Variants in TLE1 observed in about 807,000 individuals in gnomAD.
The protein encoded by TLE1 is TLE family member 1, transcriptional corepressor.
Under a neutral mutation model 89.8 loss-of-function variants are expected in TLE1, and 21 were observed. The ratio of observed to expected loss-of-function variants is 0.23; its 90% CI spans 0.17 to 0.34. The LOEUF (loss-of-function observed/expected upper bound fraction) is 0.34. Among genes scored for constraint, TLE1 ranks in the 10% least tolerant of loss-of-function variants. TLE1 has a pLI of 1.00. For missense variants in TLE1, 795 were observed against 1,031.2 expected (o/e 0.77, Z 3.14); for synonymous variants, 447 against 407.6 (o/e 1.10, Z -1.16).
intron 6 of TLE1, among the ~76,000 whole-genome samples, chr9:81,636,509 G>C (rs888545127): frequency 6.6e-6 from 1 of 151,838 alleles, no homozygotes; most frequent in Non-Finnish European, 1.5e-5. Context: ...AATTAAGCAC[G>C]GCACTAATTA....
intron 9 of TLE1, 44 bp from the exon 10 acceptor site, chr9:81,616,743 TAGGTTTG>T (rs1256399845): frequency 1.9e-6 from 3 of 1,608,256 alleles, no homozygotes; most frequent in Admixed American, 3.3e-5. Context: ...AAGCTAAGAA[TAGGTTTG>T]AGGCACAGTT....
intron 6 of TLE1, among the ~76,000 whole-genome samples, chr9:81,636,113 G>T (rs1827325813): frequency 6.6e-6 from 1 of 152,170 alleles, no homozygotes; most frequent in African/African-American, 2.4e-5. Flanking sequence ...GATGAGGTCA[G>T]AACAGGCAGC....
In TLE1 at chr9:81,658,684, G is replaced by C. The variant is rs182562968; in HGVS notation, c.235-4648C>G. Among the ~76,000 whole-genome samples the C allele has an allele frequency of 4.6e-5, 7 of 152,242 alleles. No individual in the cohort carries two copies. The East Asian group carries it at 1.2e-3, about 25-fold the overall frequency. On this transcript the variant is annotated intron_variant, in intron 4 of 19. Transcript: ENST00000376499. ...ACCTCCTGGCAGGTGAGGGTACACA[G>C]CTTACCCAACAATGCTCTGTGAGTC... is the stretch of plus-strand genomic sequence containing the variant.
intron 6 of TLE1, among the ~76,000 whole-genome samples, chr9:81,648,349 C>A (rs2132567303): frequency 6.6e-6 from 1 of 150,770 alleles, no homozygotes; most frequent in South Asian, 2.1e-4. Context: ...AAGCAAATAT[C>A]TTTCTTTAGG....
intron 17 of TLE1, among the ~76,000 whole-genome samples, chr9:81,586,476 C>T (rs988831157): frequency 3.0e-4 from 45 of 152,260 alleles, no homozygotes; most frequent in African/African-American, 1.0e-3. Flanking sequence ...CATCCAGATA[C>T]ATCTAAACAT....
At chr9:81,602,214 T>C (rs1033913933) in intron 14 of TLE1, among the ~76,000 whole-genome samples, 1 of 152,092 alleles carries the variant, frequency 6.6e-6, no homozygotes, top group East Asian at 1.9e-4. Flanking sequence ...GCTCATCCCA[T>C]TGTGTTAGCA....
At position 81,604,791 on chromosome 9, in the gene TLE1, C is replaced by G. The variant is rs1262057713; in HGVS notation, c.1331+5429G>C. Among the ~76,000 whole-genome samples, 4 of 152,154 alleles carry G rather than the reference C, an allele frequency of 2.6e-5. No individual in the cohort carries two copies. The East Asian group carries it at 7.7e-4, about 29-fold the overall frequency. ...CACCTGCACATGGATCCCTCAAGCT[C>G]TCTCTCTGTGCACGACACAGACTGT... On this transcript the variant is annotated intron_variant, in intron 14 of 19. Coordinates refer to ENST00000376499, the MANE Select transcript of TLE1 (RefSeq NM_005077.5).
intron 2 of TLE1, among the ~76,000 whole-genome samples, chr9:81,686,484 T>C (rs554276584): frequency 2.2e-4 from 33 of 152,268 alleles, no homozygotes; most frequent in African/African-American, 6.7e-4. Flanking sequence ...TATCTACAAG[T>C]AGACAAAAGG....
At chr9:81,682,245 T>C in intron 4 of TLE1, among the ~76,000 whole-genome samples, 1 of 143,116 alleles carries the variant, frequency 7.0e-6, no homozygotes, top group African/African-American at 2.6e-5. Context: ...AAAGCGAGAT[T>C]CCATCTCAAA....
At chr9:81,632,004 C>T (rs977652807) in intron 8 of TLE1, among the ~76,000 whole-genome samples, 4 of 152,090 alleles carry the variant, frequency 2.6e-5, no homozygotes, top group Admixed American at 6.5e-5. Flanking sequence ...GCAGAAAAAT[C>T]GCTTGAACCC....
At position 81,675,702 on chromosome 9, in the gene TLE1, T is replaced by TTTTG. The variant is rs1554701841; in HGVS notation, c.234+9973_234+9974insCAAA. ...TTAGCATAAGGACTCACACTAGTTT[T>TTTTG]TTTTTGTTTTTTTTTTTGAGACGGA... On this transcript the variant is annotated intron_variant, in intron 4 of 19. Transcript: ENST00000376499. 2.9e-4 allele frequency among the ~76,000 whole-genome samples: 40 copies of TTTTG among 140,288 alleles called. 1 individual carries two copies. Among genetic ancestry groups the TTTTG allele is most frequent in the African/African-American group, 1.2e-3 (40 of 34,454 alleles). 92.0% of individuals were successfully genotyped at this position (140,288 alleles called of 152,430 possible). A position where few individuals can be genotyped will look rare whatever the true frequency, so the allele number is the denominator to read the frequency against.
chr9:81,664,486 T>C (rs118092318), intron 4 of TLE1, among the ~76,000 whole-genome samples: 107 of 152,350 alleles, frequency 7.0e-4, no homozygotes, highest in Non-Finnish European at 1.2e-3. Flanking sequence ...TCTTTAAATC[T>C]AATGTGTCTG....
At chr9:81,687,738 T>C (rs1017622931) in intron 1 of TLE1, among the ~76,000 whole-genome samples, 3 of 151,908 alleles carry the variant, frequency 2.0e-5, no homozygotes, top group East Asian at 2.0e-4. Context: ...CCAGGCCAGA[T>C]TGTCGGTGTC....
intron 10 of TLE1, among the ~76,000 whole-genome samples, 186 bp from the exon 11 acceptor site, chr9:81,616,320 A>G (rs1408578304): frequency 6.6e-6 from 1 of 152,070 alleles, no homozygotes; most frequent in African/African-American, 2.4e-5. Flanking sequence ...CAAACATGCC[A>G]TAAAAAAAAA....
chr9:81,638,923 C>T (rs139674150), intron 6 of TLE1, among the ~76,000 whole-genome samples: 8 of 151,832 alleles, frequency 5.3e-5, no homozygotes, highest in South Asian at 2.1e-4. Context: ...CCACACCAGC[C>T]GATACATGCA....
chr9:81,619,714 C>T (rs1824991030), intron 9 of TLE1, among the ~76,000 whole-genome samples: 1 of 152,166 alleles, frequency 6.6e-6, no homozygotes, highest in South Asian at 2.1e-4. Flanking sequence ...AGTCATACAT[C>T]GGCTGCAATG....
At chr9:81,657,132 A>G (rs1429378572) in intron 4 of TLE1, among the ~76,000 whole-genome samples, 6 of 152,170 alleles carry the variant, frequency 3.9e-5, no homozygotes, top group Middle Eastern at 3.4e-3. Context: ...GCTCCACTCT[A>G]TGTTTCCTTT....
intron 14 of TLE1, among the ~76,000 whole-genome samples, chr9:81,607,438 G>A (rs976379757): frequency 1.3e-5 from 2 of 151,992 alleles, no homozygotes; most frequent in East Asian, 1.9e-4. Flanking sequence ...CTGCTCACCC[G>A]CCTTCCCCCA....
chr9:81,628,270 C>T (rs1157823159), intron 8 of TLE1, among the ~76,000 whole-genome samples: 1 of 152,086 alleles, frequency 6.6e-6, no homozygotes, highest in Non-Finnish European at 1.5e-5. Flanking sequence ...CCACTACTAT[C>T]ACCATTTATA....
Sources: allele counts gnomAD v4.1 joint callset (sites outside exome capture counted in the v4.1 genomes callset), GRCh38; gene constraint gnomAD v4.1.1; transcripts MANE v1.5; gene names NCBI Gene and HGNC (gene_info 2026-07-23, HGNC 2026-07-21).